The following KIRREL3 variants were observed in gnomAD, a reference collection of about 807,000 sequenced individuals.
KIRREL3 encodes the protein kin of IRRE-like protein 3.
A neutral mutation model predicts 89.7 loss-of-function variants in KIRREL3; 36 were observed. The ratio of observed to expected loss-of-function variants is 0.40; its 90% confidence interval spans 0.31 to 0.53. KIRREL3 has a LOEUF of 0.53. KIRREL3 is among the 20% of genes least tolerant of loss of function. The pLI, the probability that KIRREL3 is intolerant of heterozygous loss-of-function variation, is 0.49. For synonymous variants in KIRREL3, 445 were observed against 441.4 expected (o/e 1.01, Z -0.10); for missense variants, 864 against 1,056.6 (o/e 0.82, Z 2.53).
rs1002231824 is a variant in KIRREL3, at chr11:126,689,628, T to C, written c.56-126716A>G. Among the ~76,000 whole-genome samples the C allele has an allele frequency of 6.6e-6, 1 of 152,158 alleles. No individual in the cohort carries two copies. The highest frequency in any genetic ancestry group is 1.5e-5 in the Non-Finnish European group (1 of 68,022). ...CCCAGCCAGGAGATGGGAAGAGACA[T>C]CTTGTTAGCCAGTTGCTCTGGTAGC... On this transcript the variant is annotated intron_variant, in intron 1 of 16. Coordinates refer to ENST00000525144, the MANE Select transcript of KIRREL3 (RefSeq NM_032531.4). The surrounding 1 kb of genome is among the most constrained non-coding windows in gnomAD (Gnocchi z 5.2).
At position 126,768,183 on chromosome 11, in the gene KIRREL3, A is replaced by G. The variant is rs1002283292; in HGVS notation, c.56-205271T>C. 1.4e-4 allele frequency among the ~76,000 whole-genome samples: 17 copies of G among 122,798 alleles called. No homozygotes were observed. The highest frequency in any genetic ancestry group is 3.8e-4 in the African/African-American group (13 of 33,896). 80.6% of individuals were successfully genotyped at this position (122,798 alleles called of 152,430 possible). A position where few individuals can be genotyped will look rare whatever the true frequency, so the allele number is the denominator to read the frequency against. ...ATCCATCCATCCAATCCATCCATCC[A>G]TCCATCCATCCATCCATCCATCCAT... On this transcript the variant is annotated intron_variant, in intron 1 of 16. Coordinates refer to ENST00000525144, the MANE Select transcript of KIRREL3 (RefSeq NM_032531.4). The surrounding 1 kb of genome is among the most constrained non-coding windows in gnomAD (Gnocchi z 4.5).
chr11:126,626,979 C>T (rs1284466080), intron 1 of KIRREL3, among the ~76,000 whole-genome samples: 1 of 148,690 alleles, frequency 6.7e-6, no homozygotes, highest in Non-Finnish European at 1.5e-5. Flanking sequence ...CAGCCTGGGC[C>T]ACAAGAGTGA....
chr11:126,693,867 TA>T, intron 1 of KIRREL3, among the ~76,000 whole-genome samples: 1 of 152,234 alleles, frequency 6.6e-6, no homozygotes, highest in East Asian at 1.9e-4. Flanking sequence ...TACACCTTTT[TA>T]AAACCCAGGA....
In KIRREL3 at chr11:126,495,463, G is replaced by A. The variant is rs953359910; in HGVS notation, c.434-21997C>T. Among the ~76,000 whole-genome samples the A allele has an allele frequency of 2.6e-5, 4 of 152,046 alleles. No individual in the cohort carries two copies. Among genetic ancestry groups the A allele is most frequent in the Non-Finnish European group, 4.4e-5 (3 of 67,996 alleles). Reference sequence around the variant, plus strand: ...CCTCCCTCGACTGTCTGTGTTCCTCGTCTCCGCTCATCCTTGCTGGCCGGG... The same window carrying A: ...CCTCCCTCGACTGTCTGTGTTCCTCATCTCCGCTCATCCTTGCTGGCCGGG... On this transcript the variant is annotated intron_variant, in intron 4 of 16. Coordinates refer to ENST00000525144, the MANE Select transcript of KIRREL3 (RefSeq NM_032531.4). This position sits in a 1 kb window ranked among gnomAD's most constrained non-coding sequence, Gnocchi z 6.5.
Position 126,463,042 on chromosome 11 carries a change from A to T in KIRREL3, c.742+115T>A. ...TCCGTATCTACAAGCTGGCCAATCC[A>T]CAGAGCTGCCTGACCCATTTCCTGC... is the stretch of plus-strand genomic sequence containing the variant. On this transcript the variant is annotated intron_variant, in intron 6 of 16. Coordinates refer to ENST00000525144, the MANE Select transcript of KIRREL3 (RefSeq NM_032531.4). This position sits in a 1 kb window ranked among gnomAD's most constrained non-coding sequence, Gnocchi z 5.9. 1.0e-6 allele frequency: 1 copy of T among 1,001,224 alleles called. No individual in the cohort carries two copies. The highest frequency in any genetic ancestry group is 1.5e-6 in the Non-Finnish European group (1 of 671,466). The allele number at this position is 1,001,224 out of a possible 1,614,324, so 62.0% of individuals were successfully genotyped here.
intron 1 of KIRREL3, among the ~76,000 whole-genome samples, chr11:126,871,443 C>A (rs1414231750): frequency 1.3e-5 from 2 of 152,078 alleles, no homozygotes; most frequent in Admixed American, 6.5e-5. Flanking sequence ...CATATTTGCA[C>A]AAAACTCTTC....
rs1177620573 is a variant in KIRREL3 at position 126,677,070 on chromosome 11, C to A, written c.56-114158G>T. ...CTCAAAGATTTTTTTTTTTTAACAG[C>A]TGTATTGAGATACAGTTCACATATG... On this transcript the variant is annotated intron_variant, in intron 1 of 16. Transcript: ENST00000525144. The surrounding 1 kb of genome is among the most constrained non-coding windows in gnomAD (Gnocchi z 5.1). Among the ~76,000 whole-genome samples, 1 of 151,788 alleles carries A rather than the reference C, an allele frequency of 6.6e-6. No homozygotes were observed. The highest frequency in any genetic ancestry group is 1.9e-4 in the East Asian group (1 of 5,184).
intron 1 of KIRREL3, among the ~76,000 whole-genome samples, chr11:126,583,321 C>T (rs1941655996): frequency 6.6e-6 from 1 of 152,180 alleles, no homozygotes; most frequent in Admixed American, 6.5e-5. Flanking sequence ...ATGAGATTTC[C>T]TATTTCAGGG....
chr11:126,654,794 T>A (rs1042658870), intron 1 of KIRREL3, among the ~76,000 whole-genome samples: 1 of 148,454 alleles, frequency 6.7e-6, no homozygotes, highest in Non-Finnish European at 1.5e-5. Context: ...AACCATTATT[T>A]TTTTTTATTT....
At chr11:126,437,261 C>T (rs754319896) in intron 11 of KIRREL3, among the ~76,000 whole-genome samples, 22 of 152,310 alleles carry the variant, frequency 1.4e-4, no homozygotes, top group Non-Finnish European at 1.5e-4. Flanking sequence ...TGCAGGTACA[C>T]GTGTGCACAC....
Position 126,490,600 on chromosome 11 carries a change from C to CAT in KIRREL3, c.434-17135_434-17134insAT, listed in dbSNP as rs1957485208. On this transcript the variant is annotated intron_variant, in intron 4 of 16. Transcript: ENST00000525144. This position sits in a 1 kb window ranked among gnomAD's most constrained non-coding sequence, Gnocchi z 4.2. ...GTTCCAGGCTGCATGGCCTTGGATA[C>CAT]GTTAATTAGTTATTTGAGCCTGTGT... Among the ~76,000 whole-genome samples, 1 of 152,064 alleles carries CAT rather than the reference C, an allele frequency of 6.6e-6. No homozygotes were observed. The highest frequency in any genetic ancestry group is 1.5e-5 in the Non-Finnish European group (1 of 68,030).
chr11:126,600,838 C>T lies in KIRREL3; in HGVS notation c.56-37926G>A, dbSNP rs58870674. Among the ~76,000 whole-genome samples the T allele has an allele frequency of 7.9e-3, 1,201 of 152,294 alleles. 23 individuals carry two copies. Among genetic ancestry groups the T allele is most frequent in the African/African-American group, 0.028 (1,145 of 41,550 alleles). On this transcript the variant is annotated intron_variant, in intron 1 of 16. Transcript: ENST00000525144. ...TTCAAAGCTTGGCTTAAACTTTCCT[C>T]CTCTGGGAAAAAAGACCCTGACTTC...
intron 1 of KIRREL3, among the ~76,000 whole-genome samples, chr11:126,962,068 G>A (rs909342955): frequency 2.6e-4 from 40 of 152,176 alleles, no homozygotes; most frequent in African/African-American, 9.4e-4. Flanking sequence ...GGGCTGTGAT[G>A]GAGATATGCA....
chr11:126,630,604 ACTTACCT>A (rs1006732511), intron 1 of KIRREL3, among the ~76,000 whole-genome samples: 1 of 152,118 alleles, frequency 6.6e-6, no homozygotes, highest in African/African-American at 2.4e-5. Context: ...TCCAGCAATG[ACTTACCT>A]CTTACCTCTG....
At chr11:126,688,709 G>A (rs1008135070) in intron 1 of KIRREL3, among the ~76,000 whole-genome samples, 1 of 152,138 alleles carries the variant, frequency 6.6e-6, no homozygotes, top group Non-Finnish European at 1.5e-5. Context: ...TGTAAGGTGG[G>A]GGCAGTGTGT....
chr11:126,665,628 G>C (rs902270255), intron 1 of KIRREL3, among the ~76,000 whole-genome samples: 5 of 152,196 alleles, frequency 3.3e-5, no homozygotes, highest in African/African-American at 1.2e-4. Context: ...AGGCGGGTCT[G>C]GACCAGACAT....
At position 126,807,547 on chromosome 11, in the gene KIRREL3, G is replaced by C. The variant is rs1328643040; in HGVS notation, c.55+192908C>G. Reference sequence around the variant, plus strand: ...TCCCAGTGATATGTGCACCACGGTAGGGAACACAGGTTTCGTGCATTCATA... The same window carrying C: ...TCCCAGTGATATGTGCACCACGGTACGGAACACAGGTTTCGTGCATTCATA... On this transcript the variant is annotated intron_variant, in intron 1 of 16. Transcript: ENST00000525144. The surrounding 1 kb of genome is among the most constrained non-coding windows in gnomAD (Gnocchi z 4.3). Among the ~76,000 whole-genome samples the C allele has an allele frequency of 6.6e-6, 1 of 152,176 alleles. No homozygotes were observed. The highest frequency in any genetic ancestry group is 2.4e-5 in the African/African-American group (1 of 41,440).
chr11:126,960,821 G>T (rs1289252217), intron 1 of KIRREL3, among the ~76,000 whole-genome samples: 1 of 151,940 alleles, frequency 6.6e-6, no homozygotes, highest in African/African-American at 2.4e-5. Context: ...CAGCTTGAAG[G>T]TTTGTGGCAA....
intron 1 of KIRREL3, among the ~76,000 whole-genome samples, chr11:126,850,635 G>A (rs1944309492): frequency 6.6e-6 from 1 of 152,162 alleles, no homozygotes; most frequent in Admixed American, 6.5e-5. Flanking sequence ...AAGAGTGAGT[G>A]GCAGCCATCT....
Sources: allele counts gnomAD v4.1 joint callset (sites outside exome capture counted in the v4.1 genomes callset), GRCh38; gene constraint gnomAD v4.1.1; non-coding constraint Gnocchi (gnomAD v3.1); transcripts MANE v1.5; gene names NCBI Gene and HGNC (gene_info 2026-07-23, HGNC 2026-07-21).